Variants in ADGRL3 observed in about 807,000 individuals in gnomAD.
ADGRL3 encodes the protein adhesion G protein-coupled receptor L3.
A neutral mutation model predicts 153.5 loss-of-function variants in ADGRL3; 62 were observed. That is an observed-to-expected ratio of 0.40 (90% confidence interval 0.33 to 0.50). ADGRL3 has a LOEUF of 0.50. Ranked by LOEUF, ADGRL3 falls within the 20% of genes least tolerant of loss-of-function variation. The pLI is 0.47. For synonymous variants in ADGRL3, 710 were observed against 672.5 expected (o/e 1.06, Z -0.86); for missense variants, 1,641 against 1,859.4 (o/e 0.88, Z 2.16).
rs556774991 is a variant in ADGRL3 at position 61,826,978 on chromosome 4, G to A, written c.1480+13089G>A. 3.9e-5 allele frequency among the ~76,000 whole-genome samples: 6 copies of A among 152,060 alleles called. No individual in the cohort carries two copies. In the South Asian group the frequency reaches 1.2e-3, roughly 32 times the overall value. On this transcript the variant is annotated intron_variant, in intron 9 of 26. Coordinates refer to ENST00000683033, the MANE Select transcript of ADGRL3 (RefSeq NM_001387552.1). ...TTCTGTTCTCCGAAGATTCCGTTTC[G>A]TTCTTTCCCTTCCATTTCCCACACT...
chr4:61,986,172 T>C (rs1403510046), intron 19 of ADGRL3, among the ~76,000 whole-genome samples: 1 of 152,096 alleles, frequency 6.6e-6, no homozygotes, highest in Non-Finnish European at 1.5e-5. Context: ...ACCTAGATCA[T>C]GGGACTTTAC....
intron 1 of ADGRL3, among the ~76,000 whole-genome samples, chr4:61,271,458 T>G (rs796434616): frequency 2.6e-5 from 4 of 152,120 alleles, no homozygotes; most frequent in East Asian, 1.9e-4. Context: ...TACATAGTGC[T>G]TTTATACACA....
In ADGRL3 at chr4:61,972,701, A is replaced by T. The variant is rs573880397; in HGVS notation, c.2806-6862A>T. On this transcript the variant is annotated intron_variant, in intron 17 of 26. Coordinates refer to ENST00000683033, the MANE Select transcript of ADGRL3 (RefSeq NM_001387552.1). Reference sequence around the variant, plus strand: ...TTTTTCCAATTCTGTGAAGAAAGTCATTGGTAGCTTGATGGGGATGGCATT... The same window carrying T: ...TTTTTCCAATTCTGTGAAGAAAGTCTTTGGTAGCTTGATGGGGATGGCATT... 5.9e-5 allele frequency among the ~76,000 whole-genome samples: 9 copies of T among 152,220 alleles called. No homozygotes were observed. In the East Asian group the frequency reaches 1.7e-3, roughly 29 times the overall value.
At position 61,520,652 on chromosome 4, in the gene ADGRL3, C is replaced by CTGTGTGTGTGTGTGTGTGTGTGTGTGTG. The variant is rs545112505; in HGVS notation, c.259+3140_259+3167dup. On this transcript the variant is annotated intron_variant, in intron 4 of 26. Coordinates refer to ENST00000683033, the MANE Select transcript of ADGRL3 (RefSeq NM_001387552.1). ...TAGATGAGGAGGCTTCTATAAACCT[C>CTGTGTGTGTGTGTGTGTGTGTGTGTGTG]TGTGTGTGTGTGTGTGTGTGTGTGT... Among the ~76,000 whole-genome samples the CTGTGTGTGTGTGTGTGTGTGTGTGTGTG allele has an allele frequency of 7.0e-4, 83 of 118,540 alleles. 1 individual carries two copies. Among genetic ancestry groups the CTGTGTGTGTGTGTGTGTGTGTGTGTGTG allele is most frequent in the Admixed American group, 4.1e-3 (48 of 11,786 alleles). The allele number at this position is 118,540 out of a possible 152,430, so 77.8% of individuals were successfully genotyped here.
intron 2 of ADGRL3, among the ~76,000 whole-genome samples, chr4:61,439,413 A>T (rs1239880446): frequency 2.0e-5 from 3 of 152,160 alleles, no homozygotes; most frequent in Non-Finnish European, 4.4e-5. Flanking sequence ...CAGAAGTGAC[A>T]CTTCTCTTGC....
At chr4:61,424,128 T>C (rs990401984) in intron 2 of ADGRL3, among the ~76,000 whole-genome samples, 1 of 152,124 alleles carries the variant, frequency 6.6e-6, no homozygotes, top group African/African-American at 2.4e-5. Context: ...GGCTTTATTA[T>C]ACGCTGTCCC....
chr4:61,857,201 G>A (rs2149241671), intron 9 of ADGRL3, among the ~76,000 whole-genome samples: 1 of 151,544 alleles, frequency 6.6e-6, no homozygotes, highest in African/African-American at 2.4e-5. Context: ...AAAAGTACTG[G>A]GCTTGCAGGC....
At chr4:61,839,713 T>C (rs2097997317) in intron 9 of ADGRL3, among the ~76,000 whole-genome samples, 2 of 151,844 alleles carry the variant, frequency 1.3e-5, no homozygotes, top group South Asian at 4.2e-4. Flanking sequence ...GTGGGTGGAT[T>C]ACTTGAAGCT....
intron 9 of ADGRL3, among the ~76,000 whole-genome samples, chr4:61,867,429 G>A (rs1581213302): frequency 1.3e-5 from 2 of 149,904 alleles, no homozygotes; most frequent in African/African-American, 2.4e-5. Context: ...GAACCTGGGA[G>A]GTGGAGGTTG....
At chr4:61,279,905 A>G (rs1446260189) in intron 1 of ADGRL3, among the ~76,000 whole-genome samples, 6 of 152,048 alleles carry the variant, frequency 3.9e-5, no homozygotes, top group South Asian at 2.1e-4. Context: ...AAATAAGGAT[A>G]AATATTTGTT....
intron 6 of ADGRL3, among the ~76,000 whole-genome samples, chr4:61,715,214 G>A (rs1029243108): frequency 2.6e-5 from 4 of 152,062 alleles, no homozygotes; most frequent in Non-Finnish European, 4.4e-5. Flanking sequence ...CATTCGACTG[G>A]TTATTGAAGT....
chr4:61,475,273 T>A (rs964806300), intron 2 of ADGRL3, among the ~76,000 whole-genome samples: 2 of 152,188 alleles, frequency 1.3e-5, no homozygotes, highest in Non-Finnish European at 2.9e-5. Flanking sequence ...TAAGCATATT[T>A]TGTTGGAACT....
At chr4:62,011,596 C>T (rs1324451868) in intron 21 of ADGRL3, among the ~76,000 whole-genome samples, 2 of 151,974 alleles carry the variant, frequency 1.3e-5, no homozygotes, top group Non-Finnish European at 2.9e-5. Flanking sequence ...AGAGACCTTC[C>T]TACTTTTGCT....
intron 4 of ADGRL3, chr4:61,583,629 G>A: frequency 1.9e-6 from 1 of 515,328 alleles, no homozygotes; most frequent in Middle Eastern, 3.2e-4. Flanking sequence ...GAAACTTTCT[G>A]AGGTTCTGAC....
chr4:61,259,195 C>T lies in ADGRL3; in HGVS notation c.-240+57430C>T, dbSNP rs146019071. ...ATCCCAGCACTTTGGGAGGCCGAGG[C>T]GGCGGATCACGAGGTCAGGAGATCG... On this transcript the variant is annotated intron_variant, in intron 1 of 26. Coordinates refer to ENST00000683033, the MANE Select transcript of ADGRL3 (RefSeq NM_001387552.1). Among the ~76,000 whole-genome samples the T allele has an allele frequency of 1.4e-4, 22 of 152,052 alleles. No homozygotes were observed. The East Asian group carries it at 2.7e-3, about 19-fold the overall frequency.
At chr4:61,385,415 A>C (rs763127642) in intron 2 of ADGRL3, 1 of 152,348 alleles carries the variant, frequency 6.6e-6, no homozygotes, top group Non-Finnish European at 1.5e-5. Flanking sequence ...CTGCAGCCAC[A>C]GTGGAAACAG....
chr4:61,602,370 A>G (rs1415075561), intron 5 of ADGRL3, among the ~76,000 whole-genome samples: 1 of 152,160 alleles, frequency 6.6e-6, no homozygotes, highest in Non-Finnish European at 1.5e-5. Context: ...AGTGGCTCTC[A>G]TCTGGGGGTA....
At chr4:61,596,479 G>T (rs1221049775) in intron 5 of ADGRL3, among the ~76,000 whole-genome samples, 1 of 152,108 alleles carries the variant, frequency 6.6e-6, no homozygotes, top group Non-Finnish European at 1.5e-5. Flanking sequence ...TTATTATTGT[G>T]TAGCATTCTG....
chr4:61,367,416 T>G, intron 1 of ADGRL3, among the ~76,000 whole-genome samples: 1 of 143,094 alleles, frequency 7.0e-6, no homozygotes, highest in Admixed American at 7.2e-5. Flanking sequence ...GTCCCCAGAG[T>G]GTGATATTCC....
Sources: allele counts gnomAD v4.1 joint callset (sites outside exome capture counted in the v4.1 genomes callset), GRCh38; gene constraint gnomAD v4.1.1; transcripts MANE v1.5; gene names NCBI Gene and HGNC (gene_info 2026-07-23, HGNC 2026-07-21).